The following ZBTB37 variants were observed in gnomAD, a reference collection of about 807,000 sequenced individuals.
ZBTB37 encodes zinc finger and BTB domain-containing protein 37.
A neutral mutation model predicts 37.7 loss-of-function variants in ZBTB37; 15 were observed. That is an observed-to-expected ratio of 0.40 (90% CI 0.27 to 0.61). The LOEUF is 0.61. ZBTB37 is among the 20% of genes least tolerant of loss of function. The probability of loss-of-function intolerance (pLI) is 0.44; values close to 1 mark genes in which losing one functional copy is unlikely to be tolerated. For synonymous variants in ZBTB37, 231 were observed against 220.6 expected (o/e 1.05, Z -0.42); for missense variants, 514 against 641.9 (o/e 0.80, Z 2.15).
At chr1:173,893,891 A>T (rs1656945957) in exon 4 of ZBTB37, 1 of 152,248 alleles carries the variant, frequency 6.6e-6, no homozygotes, top group Non-Finnish European at 1.5e-5. Context: ...ACCCAAGGTT[A>T]CATAACTGGT....
At chr1:173,873,373 CTCAGCCATAGAATAAAGAGGGGCGACA>C in intron 3 of ZBTB37, 67 bp from the exon 4 acceptor site, 2 of 1,331,088 alleles carry the variant, frequency 1.5e-6, no homozygotes, top group Non-Finnish European at 2.0e-6. Flanking sequence ...TTCCCCCTTC[CTCAGCCATAGAATAAAGAGGGGCGACA>C]TCACCATTTT....
At chr1:173,897,996 A>G (rs1288597415) in exon 4 of ZBTB37, 1 of 151,938 alleles carries the variant, frequency 6.6e-6, no homozygotes, top group Non-Finnish European at 1.5e-5. Flanking sequence ...GCTTTTATCC[A>G]CTGGCTTCTG....
intron 3 of ZBTB37, among the ~76,000 whole-genome samples, chr1:173,873,128 G>A (rs986136877): frequency 7.2e-5 from 11 of 152,058 alleles, no homozygotes; most frequent in Non-Finnish European, 2.9e-5. Context: ...CAAAAACCTG[G>A]TAATTACGTA....
intron 4 of ZBTB37, among the ~76,000 whole-genome samples, chr1:173,876,120 C>T (rs566511557): frequency 6.6e-6 from 1 of 151,738 alleles, no homozygotes; most frequent in Admixed American, 6.6e-5. Flanking sequence ...TATGAGTTTG[C>T]TCATTTTTTT....
rs936361614 is a variant in ZBTB37, at chr1:173,874,179, C to T, written c.1023+613C>T. 3.5e-5 allele frequency among the ~76,000 whole-genome samples: 5 copies of T among 144,758 alleles called. 1 individual carries two copies. Among genetic ancestry groups the T allele is most frequent in the African/African-American group, 1.0e-4 (4 of 39,072 alleles). 95.0% of individuals were successfully genotyped at this position (144,758 alleles called of 152,430 possible). ...CTGAGGCAGGACAATGGCTTGAACC[C>T]GGGAGGCGGAGGTTGCTGTGAGCCG... On this transcript the variant is annotated intron_variant, in intron 4 of 4. Coordinates refer to ENST00000427304, the Ensembl canonical transcript of ZBTB37.
chr1:173,882,024 A>C (rs1008044449), intron 4 of ZBTB37, among the ~76,000 whole-genome samples: 3 of 151,582 alleles, frequency 2.0e-5, no homozygotes, highest in Non-Finnish European at 4.4e-5. Flanking sequence ...ACCGCACTCC[A>C]GCCTGGGTGA....
At chr1:173,870,110 G>A (rs1655443905) in intron 2 of ZBTB37, 90 bp from the exon 3 acceptor site, 2 of 863,026 alleles carry the variant, frequency 2.3e-6, no homozygotes, top group African/African-American at 1.7e-5. Context: ...AACTTTACCA[G>A]ATAACTATGT....
exon 4 of ZBTB37, chr1:173,893,941 C>T (rs180931365): frequency 7.2e-5 from 11 of 152,316 alleles, no homozygotes; most frequent in Admixed American, 2.0e-4. Flanking sequence ...GATTCCAAAG[C>T]CCAGACTATC....
chr1:173,891,629 C>T (rs1292019728), downstream of ZBTB37: 1 of 152,088 alleles, frequency 6.6e-6, no homozygotes, highest in Non-Finnish European at 1.5e-5. Flanking sequence ...GGTTCATAAA[C>T]AGAAATCCTT....
At chr1:173,869,152 A>G (rs1655306311) in intron 2 of ZBTB37, 32 bp downstream of exon 2, 1 of 152,564 alleles carries the variant, frequency 6.6e-6, no homozygotes, top group Admixed American at 6.5e-5. Context: ...TGTTGAAAAC[A>G]GTGTATACAC....
downstream of ZBTB37, chr1:173,887,413 A>T (rs1656671597): frequency 6.6e-6 from 1 of 152,216 alleles, no homozygotes; most frequent in African/African-American, 2.4e-5. Flanking sequence ...AGAAAACATC[A>T]TGCAGAATCA....
chr1:173,870,791 C>T, exon 3 of ZBTB37: 1 of 1,614,206 alleles, frequency 6.2e-7, no homozygotes, highest in Non-Finnish European at 8.5e-7. Context: ...GAGCTAAGTC[C>T]TCCTGAGGAG....
chr1:173,874,381 G>A (rs1470794708), intron 4 of ZBTB37, among the ~76,000 whole-genome samples: 23 of 144,448 alleles, frequency 1.6e-4, no homozygotes, highest in Admixed American at 7.0e-5. Context: ...TCACCCTGTC[G>A]CCCAGGCTGG....
chr1:173,871,886 T>C (rs1022774728), intron 3 of ZBTB37, among the ~76,000 whole-genome samples: 4 of 152,204 alleles, frequency 2.6e-5, no homozygotes, highest in Admixed American at 2.6e-4. Flanking sequence ...AAAGTCTCAA[T>C]TGAAAGAAAT....
At chr1:173,870,543 C>T (rs1655475631) in exon 3 of ZBTB37, 3 of 1,614,050 alleles carry the variant, frequency 1.9e-6, no homozygotes, top group Non-Finnish European at 1.7e-6. Context: ...TAACAGCTGC[C>T]AGTTTTCTGC....
downstream of ZBTB37, chr1:173,886,840 G>A (rs1010706281): frequency 2.6e-5 from 4 of 152,256 alleles, no homozygotes; most frequent in Non-Finnish European, 5.9e-5. Context: ...TACATTTGGG[G>A]GGCTTGAGTG....
At chr1:173,892,866 T>G (rs1179462198) in exon 4 of ZBTB37, 1 of 152,168 alleles carries the variant, frequency 6.6e-6, no homozygotes, top group Non-Finnish European at 1.5e-5. Flanking sequence ...ATAGGTCCTG[T>G]TGAGGAGGCT....
chr1:173,902,772 A>G (rs1426662355), exon 4 of ZBTB37: 2 of 152,170 alleles, frequency 1.3e-5, no homozygotes, highest in Non-Finnish European at 2.9e-5. Context: ...AAACCAGATT[A>G]CTTCAGGAGG....
rs191147918 is a variant in ZBTB37, at chr1:173,869,767, G to A, written c.-29-430G>A. 2.0e-4 allele frequency among the ~76,000 whole-genome samples: 29 copies of A among 148,058 alleles called. No homozygotes were observed. The East Asian group carries it at 4.6e-3, about 24-fold the overall frequency. On this transcript the variant is annotated intron_variant, in intron 2 of 4. Transcript: ENST00000427304. ...AGCAGGTAGTAAAATACTAAGAAGA[G>A]GGATATCAAGCTATGTAGAATTGCA...
Sources: gnomAD v4.1 joint callset for allele counts (sites outside exome capture counted in the v4.1 genomes callset) on GRCh38, gnomAD v4.1.1 for gene constraint, MANE v1.5 for transcripts, NCBI Gene and HGNC (gene_info 2026-07-23, HGNC 2026-07-21) for gene names.